Variants in PTPRN2 observed in about 807,000 individuals in gnomAD.
PTPRN2 encodes the protein receptor-type tyrosine-protein phosphatase N2.
A neutral mutation model predicts 118.8 loss-of-function variants in PTPRN2; 74 were observed. The observed-to-expected ratio is 0.62, with a 90% CI of 0.52 to 0.76. The LOEUF is 0.76. Among genes scored for constraint, PTPRN2 ranks in the 30% least tolerant of loss-of-function variants. The pLI is 0.00. For synonymous variants in PTPRN2, 641 were observed against 608.0 expected (o/e 1.05, Z -0.80); for missense variants, 1,481 against 1,394.4 (o/e 1.06, Z -0.99).
At chr7:158,138,634 G>A (rs1819074298) in intron 6 of PTPRN2, 119 bp from the exon 7 acceptor site, 1 of 836,996 alleles carries the variant, frequency 1.2e-6, no homozygotes, top group Non-Finnish European at 1.9e-6. Context: ...GCCACCTAGG[G>A]CCAGGCGCAG....
At chr7:157,882,731 G>A (rs1171796156) in intron 12 of PTPRN2, among the ~76,000 whole-genome samples, 1 of 146,242 alleles carries the variant, frequency 6.8e-6, no homozygotes, top group African/African-American at 2.6e-5. Context: ...AACTGTTGAA[G>A]AACAGAACAC....
At chr7:158,097,011 G>A (rs2150335143) in intron 10 of PTPRN2, among the ~76,000 whole-genome samples, 1 of 152,278 alleles carries the variant, frequency 6.6e-6, no homozygotes, top group East Asian at 1.9e-4. Context: ...AGTCATCGAG[G>A]CCACAGGGAA....
chr7:157,599,834 TACCTGCCCACCTCTCC>T lies in PTPRN2; in HGVS notation c.2418+4152_2418+4167del, dbSNP rs1419637589. On this transcript the variant is annotated intron_variant, in intron 16 of 22. Coordinates refer to ENST00000389418, the MANE Select transcript of PTPRN2 (RefSeq NM_002847.5). ...CACACACCTCATCTGTAGGTATTTC[TACCTGCCCACCTCTCC>T]ACCTGCCCACCTCTCCACCTGCCCA... Among the ~76,000 whole-genome samples the T allele has an allele frequency of 9.1e-3, 1,331 of 147,062 alleles. 45 individuals are homozygous for T. The highest frequency in any genetic ancestry group is 0.033 in the East Asian group (156 of 4,738).
rs187509659 is a variant in PTPRN2 at position 157,621,142 on chromosome 7, T to A, written c.2344+220A>T. On this transcript the variant is annotated intron_variant, in intron 15 of 22. Coordinates refer to ENST00000389418, the MANE Select transcript of PTPRN2 (RefSeq NM_002847.5). ...GTTTCCCCCTCCTGTAACCCAGTCC[T>A]CCCGCCCCCGGTGCTGGTATGTACA... 1.4e-3 allele frequency among the ~76,000 whole-genome samples: 73 copies of A among 51,854 alleles called. 2 individuals carry two copies. The highest frequency in any genetic ancestry group is 4.8e-3 in the South Asian group (9 of 1,886). The allele number at this position is 51,854 out of a possible 152,430, so 34.0% of individuals were successfully genotyped here.
At chr7:158,276,524 C>T (rs891722833) in intron 3 of PTPRN2, among the ~76,000 whole-genome samples, 1 of 152,078 alleles carries the variant, frequency 6.6e-6, no homozygotes, top group East Asian at 1.9e-4. Flanking sequence ...CACACCCCGG[C>T]CCCGACAGGC....
chr7:158,217,666 T>C (rs1828045246), intron 3 of PTPRN2, among the ~76,000 whole-genome samples: 2 of 152,140 alleles, frequency 1.3e-5, no homozygotes, highest in East Asian at 3.9e-4. Context: ...GGAAGCTCAA[T>C]GAGATACAGG....
chr7:158,080,442 G>C lies in PTPRN2; in HGVS notation c.1723+856C>G, dbSNP rs118038861. Among the ~76,000 whole-genome samples, 60 of 151,632 alleles carry C rather than the reference G, an allele frequency of 4.0e-4. 1 individual carries two copies. Among genetic ancestry groups the C allele is most frequent in the Non-Finnish European group, 7.7e-4 (52 of 67,972 alleles). ...TTCCGTCCTGTCTTATCAATGATAC[G>C]GAACGGGAGCACCCTGCCTGCGGAA... is the stretch of plus-strand genomic sequence containing the variant. On this transcript the variant is annotated intron_variant, in intron 11 of 22. Transcript: ENST00000389418.
intron 17 of PTPRN2, among the ~76,000 whole-genome samples, chr7:157,582,473 A>G (rs980466108): frequency 6.6e-6 from 1 of 152,120 alleles, no homozygotes; most frequent in African/African-American, 2.4e-5. Flanking sequence ...GCCTGTTGGG[A>G]TGGCTGCCAC....
intron 5 of PTPRN2, among the ~76,000 whole-genome samples, chr7:158,171,136 A>G (rs1290256711): frequency 1.2e-4 from 11 of 89,142 alleles, no homozygotes; most frequent in Non-Finnish European, 2.7e-4. Context: ...ACACATATAT[A>G]CACACATATA....
intron 11 of PTPRN2, among the ~76,000 whole-genome samples, chr7:158,080,127 C>T (rs1313781703): frequency 2.6e-5 from 4 of 151,974 alleles, no homozygotes; most frequent in Admixed American, 6.6e-5. Flanking sequence ...ACCAGCAATT[C>T]GCTCCATCCC....
intron 6 of PTPRN2, among the ~76,000 whole-genome samples, chr7:158,154,823 T>C (rs1247188342): frequency 8.5e-5 from 13 of 152,236 alleles, no homozygotes; most frequent in Admixed American, 8.5e-4. Flanking sequence ...TAATGCATAC[T>C]AGGGATCCCC....
intron 3 of PTPRN2, among the ~76,000 whole-genome samples, chr7:158,254,712 C>G (rs1796911678): frequency 6.6e-6 from 1 of 152,180 alleles, no homozygotes; most frequent in Non-Finnish European, 1.5e-5. Flanking sequence ...AGAGCCACCG[C>G]TGCACACAGC....
At chr7:158,238,810 C>A (rs1795725358) in intron 3 of PTPRN2, among the ~76,000 whole-genome samples, 1 of 152,134 alleles carries the variant, frequency 6.6e-6, no homozygotes, top group Non-Finnish European at 1.5e-5. Flanking sequence ...GACTCCCCTG[C>A]AAGTCTGGAG....
intron 5 of PTPRN2, among the ~76,000 whole-genome samples, chr7:158,186,208 C>A (rs1033650591): frequency 6.6e-6 from 1 of 152,238 alleles, no homozygotes; most frequent in South Asian, 2.1e-4. Flanking sequence ...CATTCCAATG[C>A]GCATGAAAGA....
intron 11 of PTPRN2, among the ~76,000 whole-genome samples, chr7:157,909,788 A>AAT (rs1797979364): frequency 6.6e-6 from 1 of 151,886 alleles, no homozygotes; most frequent in Non-Finnish European, 1.5e-5. Flanking sequence ...GTTATTATCT[A>AAT]TTTTTTCTCT....
intron 3 of PTPRN2, among the ~76,000 whole-genome samples, chr7:158,210,131 C>CTTTTTTTT (rs869191127): frequency 1.8e-5 from 2 of 108,662 alleles, no homozygotes; most frequent in African/African-American, 3.8e-5. Flanking sequence ...AATGATGCAT[C>CTTTTTTTT]TTTTTTTTTT....
At chr7:158,016,780 T>C (rs960086671) in intron 11 of PTPRN2, among the ~76,000 whole-genome samples, 5 of 152,208 alleles carry the variant, frequency 3.3e-5, no homozygotes, top group African/African-American at 9.7e-5. Flanking sequence ...ATTAGGTTTT[T>C]TTTATGATGC....
intron 12 of PTPRN2, among the ~76,000 whole-genome samples, chr7:157,792,175 TG>T (rs1193556161): frequency 6.6e-6 from 1 of 152,212 alleles, no homozygotes; most frequent in Non-Finnish European, 1.5e-5. Flanking sequence ...AGCTGCCTCA[TG>T]GGGTGGGGCT....
chr7:157,959,729 T>C (rs1226976878), intron 11 of PTPRN2, among the ~76,000 whole-genome samples: 1 of 152,210 alleles, frequency 6.6e-6, no homozygotes, highest in Non-Finnish European at 1.5e-5. Flanking sequence ...TGTGTACTCC[T>C]AGTGGGAATG....
Sources: allele counts gnomAD v4.1 joint callset (sites outside exome capture counted in the v4.1 genomes callset), GRCh38; gene constraint gnomAD v4.1.1; transcripts MANE v1.5; gene names NCBI Gene and HGNC (gene_info 2026-07-23, HGNC 2026-07-21).